ZBTB7C: variants seen among roughly 807,000 people sequenced by gnomAD.
The protein encoded by ZBTB7C is zinc finger and BTB domain containing 7C.
A neutral mutation model predicts 25.7 loss-of-function variants in ZBTB7C; 8 were observed. That is an observed-to-expected ratio of 0.31 (90% CI 0.18 to 0.56). The LOEUF is 0.56. ZBTB7C is among the 20% of genes least tolerant of loss of function. The pLI is 0.91. For synonymous variants in ZBTB7C, 394 were observed against 369.0 expected (o/e 1.07, Z -0.78); for missense variants, 824 against 855.2 (o/e 0.96, Z 0.46).
chr18:48,232,261 T>C (rs1321656192), intron 2 of ZBTB7C, among the ~76,000 whole-genome samples: 1 of 152,244 alleles, frequency 6.6e-6, no homozygotes, highest in Admixed American at 6.5e-5. Context: ...AGAACACTGA[T>C]GATTGATGCT....
At position 48,057,947 on chromosome 18, in the gene ZBTB7C, G is replaced by A. The variant is rs372382071; in HGVS notation, c.-16-16824C>T. Among the ~76,000 whole-genome samples, 3 of 152,314 alleles carry A rather than the reference G, an allele frequency of 2.0e-5. No individual in the cohort carries two copies. The East Asian group carries it at 5.8e-4, about 29-fold the overall frequency. ...CAGCACCTGTCTACTGCACGGTAATGTCCCCGTGGCCACATAGGCAAGCTG... is the reference window on the plus strand; with the variant it reads ...CAGCACCTGTCTACTGCACGGTAATATCCCCGTGGCCACATAGGCAAGCTG... On this transcript the variant is annotated intron_variant, in intron 3 of 4. Coordinates refer to ENST00000590800, the MANE Select transcript of ZBTB7C (RefSeq NM_001318841.2).
chr18:48,364,841 T>A (rs889655252), intron 1 of ZBTB7C, among the ~76,000 whole-genome samples: 1 of 152,230 alleles, frequency 6.6e-6, no homozygotes, highest in African/African-American at 2.4e-5. Flanking sequence ...TTGTTCTGCC[T>A]TTTTCCGTTT....
At chr18:48,322,629 C>T (rs1313864296) in intron 2 of ZBTB7C, among the ~76,000 whole-genome samples, 1 of 152,178 alleles carries the variant, frequency 6.6e-6, no homozygotes, top group Non-Finnish European at 1.5e-5. Context: ...CTGTGGAAAA[C>T]GGTGTGGAGA....
intron 2 of ZBTB7C, among the ~76,000 whole-genome samples, chr18:48,213,033 G>T (rs1352037205): frequency 6.6e-6 from 1 of 151,978 alleles, no homozygotes; most frequent in East Asian, 1.9e-4. Flanking sequence ...ACCGGCGAGA[G>T]AATCTGTTTT....
chr18:48,307,634 G>A (rs913204978), intron 2 of ZBTB7C, among the ~76,000 whole-genome samples: 2 of 152,236 alleles, frequency 1.3e-5, no homozygotes, highest in African/African-American at 4.8e-5. Flanking sequence ...TGGATGGCAA[G>A]GTCAAGAGAT....
upstream of ZBTB7C, among the ~76,000 whole-genome samples, chr18:48,411,874 G>A (rs1048453123): frequency 2.0e-5 from 3 of 152,232 alleles, no homozygotes; most frequent in Non-Finnish European, 4.4e-5. Flanking sequence ...TCATGGAATA[G>A]CGTAAGCATG....
At chr18:48,154,104 T>C (rs2040761866) in intron 3 of ZBTB7C, among the ~76,000 whole-genome samples, 1 of 152,204 alleles carries the variant, frequency 6.6e-6, no homozygotes, top group South Asian at 2.1e-4. Flanking sequence ...ACACTGCCCA[T>C]GTACCCAGTA....
chr18:48,066,317 G>A (rs1347523969), intron 3 of ZBTB7C, among the ~76,000 whole-genome samples: 1 of 152,220 alleles, frequency 6.6e-6, no homozygotes, highest in Non-Finnish European at 1.5e-5. Flanking sequence ...CAGAGGATCT[G>A]TACACCCCAC....
chr18:48,371,519 C>T (rs758643734), intron 1 of ZBTB7C, among the ~76,000 whole-genome samples: 7 of 152,298 alleles, frequency 4.6e-5, no homozygotes, highest in South Asian at 4.1e-4. Context: ...TCCTGGCTGC[C>T]GGTTTTGGGA....
At chr18:48,196,089 G>A (rs2042311781) in intron 2 of ZBTB7C, among the ~76,000 whole-genome samples, 1 of 152,160 alleles carries the variant, frequency 6.6e-6, no homozygotes, top group South Asian at 2.1e-4. Flanking sequence ...CAGTCAGGGG[G>A]AATGGAGAAA....
chr18:48,138,963 C>G (rs990245989), intron 3 of ZBTB7C, among the ~76,000 whole-genome samples: 3 of 152,126 alleles, frequency 2.0e-5, no homozygotes, highest in African/African-American at 7.2e-5. Flanking sequence ...AACCTCGGAG[C>G]CTCTCTTCTT....
At chr18:48,363,394 A>G (rs536445244) in intron 1 of ZBTB7C, among the ~76,000 whole-genome samples, 36 of 152,190 alleles carry the variant, frequency 2.4e-4, no homozygotes, top group African/African-American at 8.4e-4. Flanking sequence ...GCCCAGCCCC[A>G]GCCCCCACCC....
intron 3 of ZBTB7C, among the ~76,000 whole-genome samples, chr18:48,138,776 C>CT (rs1253078013): frequency 2.2e-4 from 33 of 152,224 alleles, no homozygotes; most frequent in Non-Finnish European, 1.3e-4. Flanking sequence ...CACAAAGGCA[C>CT]TAGTTAAATA....
At chr18:48,238,128 C>T (rs1363839185) in intron 2 of ZBTB7C, among the ~76,000 whole-genome samples, 1 of 152,132 alleles carries the variant, frequency 6.6e-6, no homozygotes, top group Non-Finnish European at 1.5e-5. Context: ...ATGGTTATCT[C>T]TGAAGGGGGA....
In ZBTB7C at chr18:48,029,632, G is replaced by A. The variant is rs779867599; in HGVS notation, c.1488C>T (p.Gly496=). 33 of 1,508,622 alleles carry A rather than the reference G, an allele frequency of 2.2e-5. 2 individuals are homozygous for A. The highest frequency in any genetic ancestry group is 1.6e-4 in the South Asian group (13 of 79,794). The allele number at this position is 1,508,622 out of a possible 1,614,324, so 93.5% of individuals were successfully genotyped here. A position where few individuals can be genotyped will look rare whatever the true frequency, so the allele number is the denominator to read the frequency against. The change falls in exon 5 of 5, where the codon GGC becomes GGT. Residue 496 remains glycine, a synonymous_variant. Transcript: ENST00000590800. ...AGGCCGCCTTGTCGGGGGCCGGGCC[G>A]CCGGGCCCGAAGAGCAGGCTGGCGG... is the stretch of plus-strand genomic sequence containing the variant. ...WRAASLLFGP[G]GPAPDKAAFV... is the part of the protein sequence containing the mutation.
intron 2 of ZBTB7C, among the ~76,000 whole-genome samples, chr18:48,278,222 G>C (rs1397241249): frequency 6.6e-6 from 1 of 152,166 alleles, no homozygotes; most frequent in East Asian, 1.9e-4. Flanking sequence ...AGGCTGTTCT[G>C]CTACAGAGAG....
intron 1 of ZBTB7C, among the ~76,000 whole-genome samples, chr18:48,408,173 C>G (rs1330972471): frequency 6.6e-6 from 1 of 152,236 alleles, no homozygotes; most frequent in Non-Finnish European, 1.5e-5. Context: ...TGCGCCCGCG[C>G]CGCGGAAGGT....
At chr18:48,264,459 C>T (rs745827833) in intron 2 of ZBTB7C, among the ~76,000 whole-genome samples, 1 of 152,202 alleles carries the variant, frequency 6.6e-6, no homozygotes, top group Non-Finnish European at 1.5e-5. Flanking sequence ...GCCAGAGCCC[C>T]ACTCCCCAGG....
chr18:48,107,194 T>G (rs1480965681), intron 3 of ZBTB7C, among the ~76,000 whole-genome samples: 58 of 120,386 alleles, frequency 4.8e-4, no homozygotes, highest in African/African-American at 6.2e-4. Context: ...GGAAGGGAGG[T>G]CAGGAGGGAG....
Sources: gnomAD v4.1 joint callset for allele counts (sites outside exome capture counted in the v4.1 genomes callset) on GRCh38, gnomAD v4.1.1 for gene constraint, MANE v1.5 for transcripts, NCBI Gene and HGNC (gene_info 2026-07-23, HGNC 2026-07-21) for gene names.